TACC2: variants seen among roughly 807,000 people sequenced by gnomAD.
TACC2 encodes the protein transforming acidic coiled-coil containing protein 2.
A neutral mutation model predicts 227.3 loss-of-function variants in TACC2; 137 were observed. That is an observed-to-expected ratio of 0.60 (90% CI 0.52 to 0.69). The LOEUF (loss-of-function observed/expected upper bound fraction) is 0.69, where lower values mean the gene tolerates loss of function less well. Among genes scored for constraint, TACC2 ranks in the 30% least tolerant of loss-of-function variants. The pLI, the probability that TACC2 is intolerant of heterozygous loss-of-function variation, is 0.00. For missense variants in TACC2, 3,470 were observed against 3,694.4 expected, an observed-to-expected ratio of 0.94 and a Z score of 1.57; for synonymous variants, 1,523 against 1,487.5, an observed-to-expected ratio of 1.02 and a Z score of -0.55.
chr10:122,060,721 G>C (rs529168444), intron 3 of TACC2, among the ~76,000 whole-genome samples: 1 of 152,326 alleles, frequency 6.6e-6, no homozygotes, highest in East Asian at 1.9e-4. Context: ...AAAAGAAAAA[G>C]AGGCCAGGTG....
rs771648191 is a variant in TACC2 at position 122,237,968 on chromosome 10, C to T, written c.8279C>T (p.Thr2760Ile). ...TCTTCTCTCTGAAACTAGATCATAACCAAGGAGAGAGAGGTCTCAGAATGG... is the reference window on the plus strand; with the variant it reads ...TCTTCTCTCTGAAACTAGATCATAATCAAGGAGAGAGAGGTCTCAGAATGG... ...ALQIARAEII[T>I]KEREVSEWKD... is the part of the protein sequence containing the mutation. The change falls in exon 18 of 23, where the codon ACC becomes ATC. Residue 2760 changes from threonine (T) to isoleucine (I), a missense_variant. Physicochemically the swap from Thr to Ile is moderately conservative, Grantham distance 89. Coordinates refer to ENST00000369005, the MANE Select transcript of TACC2 (RefSeq NM_206862.4). 4.3e-6 allele frequency: 7 copies of T among 1,613,372 alleles called. No homozygotes were observed. In the South Asian group the frequency reaches 4.4e-5, roughly 10 times the overall value.
chr10:122,112,601 C>T (rs1288287148), intron 5 of TACC2, among the ~76,000 whole-genome samples: 5 of 152,230 alleles, frequency 3.3e-5, no homozygotes, highest in South Asian at 2.1e-4. Context: ...TGGGTAGCCT[C>T]AGGCGGGCAA....
At chr10:122,024,953 T>C (rs985919199) in intron 2 of TACC2, among the ~76,000 whole-genome samples, 16 of 152,350 alleles carry the variant, frequency 1.1e-4, no homozygotes, top group Admixed American at 7.8e-4. Flanking sequence ...CTGGGTTGTA[T>C]GATAGTTGCA....
At chr10:122,253,225 G>A (rs1158030049) in intron 22 of TACC2, among the ~76,000 whole-genome samples, 1 of 152,156 alleles carries the variant, frequency 6.6e-6, no homozygotes, top group Non-Finnish European at 1.5e-5. Flanking sequence ...GAGGGATCCA[G>A]CCCCCTTGGA....
At chr10:122,119,706 G>A (rs955750608) in intron 5 of TACC2, among the ~76,000 whole-genome samples, 15 of 152,194 alleles carry the variant, frequency 9.9e-5, no homozygotes, top group South Asian at 2.1e-4. Context: ...CAAAGGTCAG[G>A]AGTTCAAGAC....
chr10:122,210,651 G>A lies in TACC2; in HGVS notation c.6226G>A (p.Val2076Ile), dbSNP rs199696107. Residue 2076 changes from valine to isoleucine, a missense_variant, in exon 9 of 23, where the codon GTC becomes ATC. By Grantham distance (29) the Val-to-Ile change is conservative. Transcript: ENST00000369005. This position sits in a 1 kb window ranked among gnomAD's most constrained non-coding sequence, Gnocchi z 4.6. ...VNTRRKSTDS[V>I]PISKSTLSRS... ...CACACGGAGGAAGTCCACGGATTCC[G>A]TCCCCATCTCTAAGTCTACACTGTC... 2.3e-4 allele frequency: 367 copies of A among 1,613,944 alleles called. No homozygotes were observed. Among genetic ancestry groups the A allele is most frequent in the Non-Finnish European group, 2.5e-4 (300 of 1,180,012 alleles).
rs150542563 is a variant in TACC2 at position 122,055,963 on chromosome 10, C to T, written c.146+5413C>T. On this transcript the variant is annotated intron_variant, in intron 3 of 22. Coordinates refer to ENST00000369005, the MANE Select transcript of TACC2 (RefSeq NM_206862.4). ...AGGTCTAGTAGAATCCTGGTGGGGG[C>T]CAAGTCCCATCCATACCCTGTCTCA... 2.3e-3 allele frequency among the ~76,000 whole-genome samples: 356 copies of T among 152,248 alleles called. 4 individuals are homozygous for T. The highest frequency in any genetic ancestry group is 8.4e-3 in the African/African-American group (347 of 41,556).
intron 3 of TACC2, among the ~76,000 whole-genome samples, chr10:122,070,737 G>A (rs907901337): frequency 2.3e-5 from 3 of 128,082 alleles, no homozygotes; most frequent in Admixed American, 9.5e-5. Context: ...TGGGCAAGAA[G>A]AGCAAAATTC....
intron 2 of TACC2, among the ~76,000 whole-genome samples, chr10:122,047,383 G>A (rs2075142887): frequency 1.3e-5 from 2 of 149,314 alleles, no homozygotes; most frequent in African/African-American, 4.9e-5. Flanking sequence ...CCATGGTCTT[G>A]ATAATGTCCT....
rs541519392 is a variant in TACC2, at chr10:122,237,144, A to T, written c.8128-251A>T. 2.0e-5 allele frequency among the ~76,000 whole-genome samples: 3 copies of T among 152,326 alleles called. No homozygotes were observed. In the South Asian group the frequency reaches 6.2e-4, roughly 32 times the overall value. On this transcript the variant is annotated intron_variant, in intron 16 of 22. Transcript: ENST00000369005. ...GCAGGTACCAGACATGCTGGACTCCAAGGCCTCGGAGCTTAAGGGGCCTCT... is the reference window on the plus strand; with the variant it reads ...GCAGGTACCAGACATGCTGGACTCCTAGGCCTCGGAGCTTAAGGGGCCTCT...
At chr10:122,222,503 C>T (rs951726062) in intron 11 of TACC2, among the ~76,000 whole-genome samples, 10 of 152,184 alleles carry the variant, frequency 6.6e-5, no homozygotes, top group Non-Finnish European at 1.2e-4. Flanking sequence ...AATGCAAACA[C>T]TAATGTGGGT....
At chr10:122,043,425 C>T (rs1235062437) in intron 2 of TACC2, among the ~76,000 whole-genome samples, 1 of 152,010 alleles carries the variant, frequency 6.6e-6, no homozygotes, top group African/African-American at 2.4e-5. Flanking sequence ...CCATGTGTCT[C>T]TTTTTATAAT....
At chr10:122,064,294 C>T (rs988048142) in intron 3 of TACC2, among the ~76,000 whole-genome samples, 2 of 152,142 alleles carry the variant, frequency 1.3e-5, no homozygotes, top group African/African-American at 4.8e-5. Flanking sequence ...CAAAAGAGTT[C>T]CCATGCACAC....
chr10:122,226,587 C>T lies in TACC2; in HGVS notation c.7724+106C>T, dbSNP rs1339890493. On this transcript the variant is annotated intron_variant, in intron 13 of 22. Coordinates refer to ENST00000369005, the MANE Select transcript of TACC2 (RefSeq NM_206862.4). ...CTTCATTTCAGTGCATAGATTCAGGCGGCTGACATGCCACATATTTTTTTT... is the reference window on the plus strand; with the variant it reads ...CTTCATTTCAGTGCATAGATTCAGGTGGCTGACATGCCACATATTTTTTTT... 1.2e-5 allele frequency: 9 copies of T among 760,262 alleles called. 1 individual carries two copies. The highest frequency in any genetic ancestry group is 1.8e-5 in the African/African-American group (1 of 55,390). The allele number at this position is 760,262 out of a possible 1,614,324, so 47.1% of individuals were successfully genotyped here.
intron 1 of TACC2, among the ~76,000 whole-genome samples, chr10:122,020,193 T>C (rs1281391183): frequency 6.6e-6 from 1 of 152,204 alleles, no homozygotes; most frequent in Non-Finnish European, 1.5e-5. Context: ...GATAAGGCAG[T>C]GATTCTTCTA....
intron 2 of TACC2, among the ~76,000 whole-genome samples, chr10:122,047,743 A>G (rs186029039): frequency 2.2e-4 from 33 of 152,342 alleles, no homozygotes; most frequent in African/African-American, 7.2e-4. Context: ...CAGTTGTGCA[A>G]ATTCAATGAC....
chr10:122,210,247 T>C lies in TACC2; in HGVS notation c.5972-150T>C, dbSNP rs191653633. 46 of 671,502 alleles carry C rather than the reference T, an allele frequency of 6.9e-5. No individual in the cohort carries two copies. The highest frequency in any genetic ancestry group is 2.9e-4 in the African/African-American group (16 of 55,582). 41.6% of individuals were successfully genotyped at this position (671,502 alleles called of 1,614,324 possible). On this transcript the variant is annotated intron_variant, in intron 8 of 22. Transcript: ENST00000369005. The surrounding 1 kb of genome is among the most constrained non-coding windows in gnomAD (Gnocchi z 4.6). ...CTAATTACGGGTAGGTCAGGTTCTGTACCCAAGTAGTACACACAGTGATGG... is the reference window on the plus strand; with the variant it reads ...CTAATTACGGGTAGGTCAGGTTCTGCACCCAAGTAGTACACACAGTGATGG...
intron 5 of TACC2, among the ~76,000 whole-genome samples, chr10:122,127,341 G>T (rs2087082499): frequency 6.6e-6 from 1 of 152,212 alleles, no homozygotes; most frequent in Non-Finnish European, 1.5e-5. Context: ...GGCTCTTCCT[G>T]TGGCATGGAT....
At chr10:122,226,289 G>A in intron 12 of TACC2, 77 bp from the exon 13 acceptor site, 1 of 927,660 alleles carries the variant, frequency 1.1e-6, no homozygotes, top group East Asian at 2.6e-5. Context: ...CTCTGTTGAA[G>A]AGTGCTCCAG....
Sources: allele counts gnomAD v4.1 joint callset (sites outside exome capture counted in the v4.1 genomes callset), GRCh38; gene constraint gnomAD v4.1.1; non-coding constraint Gnocchi (gnomAD v3.1); transcripts MANE v1.5; gene names NCBI Gene and HGNC (gene_info 2026-07-23, HGNC 2026-07-21).